The following GLB1 variants were observed in gnomAD, a reference collection of about 807,000 sequenced individuals.
GLB1 encodes galactosidase beta 1.
Under a neutral mutation model 74.0 loss-of-function variants are expected in GLB1, and 56 were observed. The observed-to-expected ratio is 0.76, with a 90% CI of 0.61 to 0.94. GLB1 has a LOEUF of 0.94. GLB1 is among the 40% of genes least tolerant of loss of function. The pLI is 0.00. For synonymous variants in GLB1, 323 were observed against 323.6 expected (o/e 1.00, Z 0.02); for missense variants, 787 against 845.5 (o/e 0.93, Z 0.86).
intron 10 of GLB1, chr3:33,034,624 C>A: frequency 1.4e-6 from 1 of 724,586 alleles, no homozygotes; most frequent in South Asian, 1.4e-5. Context: ...TGCACAAGTT[C>A]AATGATGTCA....
At chr3:33,039,613 T>TGTTC (rs1208148188) in intron 10 of GLB1, among the ~76,000 whole-genome samples, 2 of 152,104 alleles carry the variant, frequency 1.3e-5, no homozygotes, top group Non-Finnish European at 2.9e-5. Context: ...TGGAAGCGCT[T>TGTTC]AGGAGATACA....
the GLB1 span, among the ~76,000 whole-genome samples, chr3:32,978,794 T>G: frequency 7.6e-6 from 1 of 130,790 alleles, no homozygotes; most frequent in East Asian, 6.4e-4. Flanking sequence ...ACAGAGTCTC[T>G]CTGTCACCCA....
At chr3:33,079,081 A>G (rs1700231454) in intron 1 of GLB1, among the ~76,000 whole-genome samples, 1 of 152,206 alleles carries the variant, frequency 6.6e-6, no homozygotes, top group East Asian at 1.9e-4. Flanking sequence ...GCCTTACACA[A>G]TTGGGTTCAT....
At chr3:33,080,032 C>T (rs1298944478) in intron 1 of GLB1, among the ~76,000 whole-genome samples, 1 of 151,966 alleles carries the variant, frequency 6.6e-6, no homozygotes, top group Admixed American at 6.6e-5. Flanking sequence ...AATCCTCCCA[C>T]CTCACGATCG....
At chr3:33,094,775 A>T (rs1269223404) in intron 1 of GLB1, among the ~76,000 whole-genome samples, 1 of 152,250 alleles carries the variant, frequency 6.6e-6, no homozygotes, top group Non-Finnish European at 1.5e-5. Flanking sequence ...TCTTCTATTA[A>T]GAGACATTGA....
the GLB1 span, among the ~76,000 whole-genome samples, chr3:32,985,005 T>C: frequency 2.4e-3 from 357 of 148,880 alleles, 3 homozygotes; most frequent in African/African-American, 8.4e-3. Flanking sequence ...TTTGGGAGGC[T>C]GAGGCAGGAG....
At chr3:32,991,059 A>T in the GLB1 span, among the ~76,000 whole-genome samples, 1 of 152,214 alleles carries the variant, frequency 6.6e-6, no homozygotes, top group South Asian at 2.1e-4. Context: ...CCTCTTGATC[A>T]GAAATCGTAT....
intron 12 of GLB1, among the ~76,000 whole-genome samples, chr3:33,019,925 G>C (rs1167384630): frequency 6.6e-6 from 1 of 152,102 alleles, no homozygotes; most frequent in Non-Finnish European, 1.5e-5. Context: ...AGATCTGAAA[G>C]AGCCAGGGCC....
intron 1 of GLB1, among the ~76,000 whole-genome samples, chr3:33,079,574 A>C (rs1277579385): frequency 6.6e-6 from 1 of 152,232 alleles, no homozygotes; most frequent in Non-Finnish European, 1.5e-5. Context: ...ATGTTGACAC[A>C]AATAAAAATG....
downstream of GLB1, among the ~76,000 whole-genome samples, chr3:32,993,578 G>A (rs1440784526): frequency 2.5e-5 from 3 of 120,892 alleles, no homozygotes; most frequent in South Asian, 2.9e-4. Context: ...CTTGTCACCC[G>A]GGCTGGAGTA....
chr3:33,084,943 G>C (rs1700449810), intron 1 of GLB1, among the ~76,000 whole-genome samples: 1 of 152,160 alleles, frequency 6.6e-6, no homozygotes, highest in Non-Finnish European at 1.5e-5. Flanking sequence ...AAAGAAGTAA[G>C]TAACTACATT....
At chr3:33,041,224 T>C (rs1016117558) in intron 10 of GLB1, among the ~76,000 whole-genome samples, 12 of 151,932 alleles carry the variant, frequency 7.9e-5, no homozygotes, top group Non-Finnish European at 1.8e-4. Context: ...CAGCGTCAAA[T>C]ATAAAGAGAA....
At chr3:33,010,367 T>G (rs1696971482) in intron 15 of GLB1, among the ~76,000 whole-genome samples, 6 of 152,178 alleles carry the variant, frequency 3.9e-5, no homozygotes. Flanking sequence ...AGCCACTAAT[T>G]TTAGTTTATA....
At chr3:33,059,244 TAC>T (rs55785242) in intron 5 of GLB1, among the ~76,000 whole-genome samples, 27,943 of 143,336 alleles carry the variant, frequency 0.19, 2,758 homozygotes, top group Middle Eastern at 0.23. Flanking sequence ...ATATAAAACA[TAC>T]ACACACACAC....
the GLB1 span, among the ~76,000 whole-genome samples, chr3:32,982,927 T>C: frequency 3.9e-5 from 6 of 152,168 alleles, no homozygotes; most frequent in African/African-American, 1.4e-4. Context: ...AATATATCAT[T>C]GTATTATCTT....
intron 10 of GLB1, chr3:33,045,911 A>T: frequency 1.2e-6 from 1 of 829,292 alleles, no homozygotes; most frequent in Admixed American, 2.7e-5. Context: ...TACATGTCTT[A>T]TATCTCCTAC....
In GLB1 at chr3:33,021,365, G is replaced by C. The variant is rs1697471321; in HGVS notation, c.1233+201C>G. ...TCCTGTATGAGTGAGAAGAAGTGGG[G>C]CAAAAAATATAGGCATGATCAGCCC... On this transcript the variant is annotated intron_variant, in intron 12 of 15. Coordinates refer to ENST00000307363, the MANE Select transcript of GLB1 (RefSeq NM_000404.4). 9.9e-5 allele frequency: 62 copies of C among 625,672 alleles called. 1 individual carries two copies. The South Asian group carries it at 1.2e-3, about 12-fold the overall frequency. 38.8% of individuals were successfully genotyped at this position (625,672 alleles called of 1,614,324 possible). A position where few individuals can be genotyped will look rare whatever the true frequency, so the allele number is the denominator to read the frequency against.
At chr3:33,034,690 C>A in intron 10 of GLB1, 2 of 726,814 alleles carry the variant, frequency 2.8e-6, no homozygotes, top group Non-Finnish European at 5.2e-6. Flanking sequence ...CTGGTGGAGA[C>A]AATAAGGTGA....
the GLB1 span, among the ~76,000 whole-genome samples, chr3:32,968,240 G>C: frequency 3.9e-5 from 6 of 152,180 alleles, no homozygotes; most frequent in Non-Finnish European, 5.9e-5. Flanking sequence ...GGTCTGGACA[G>C]GAGTTTAAAA....
Sources: allele counts gnomAD v4.1 joint callset (sites outside exome capture counted in the v4.1 genomes callset), GRCh38; gene constraint gnomAD v4.1.1; transcripts MANE v1.5; gene names NCBI Gene and HGNC (gene_info 2026-07-23, HGNC 2026-07-21).